The following PLS1 variants were observed in gnomAD, a reference collection of about 807,000 sequenced individuals.
The protein encoded by PLS1 is plastin 1.
In PLS1, 32 loss-of-function variants were observed where a neutral mutation model predicts 73.7. The ratio of observed to expected loss-of-function variants is 0.43; its 90% CI spans 0.33 to 0.58. The LOEUF (loss-of-function observed/expected upper bound fraction) is 0.58, where lower values mean the gene tolerates loss of function less well. Ranked by LOEUF, PLS1 falls within the 20% of genes least tolerant of loss-of-function variation. PLS1 has a pLI of 0.04. For missense variants in PLS1, 633 were observed against 740.5 expected, an observed-to-expected ratio of 0.85 and a Z score of 1.68; for synonymous variants, 217 against 261.3, an observed-to-expected ratio of 0.83 and a Z score of 1.63.
chr3:142,644,965 G>A (rs1170713623), intron 1 of PLS1, among the ~76,000 whole-genome samples: 4 of 152,074 alleles, frequency 2.6e-5, no homozygotes, highest in African/African-American at 9.7e-5. Flanking sequence ...TTTCCCTAAG[G>A]GGCATTCATC....
intron 1 of PLS1, among the ~76,000 whole-genome samples, chr3:142,632,911 T>A (rs778718672): frequency 6.6e-6 from 1 of 152,232 alleles, no homozygotes; most frequent in Non-Finnish European, 1.5e-5. Context: ...GAGCAGGATC[T>A]TAAACAGATA....
At chr3:142,627,021 G>C (rs1479051886) in intron 1 of PLS1, among the ~76,000 whole-genome samples, 3 of 152,170 alleles carry the variant, frequency 2.0e-5, no homozygotes, top group Non-Finnish European at 4.4e-5. Flanking sequence ...GACCAAGTTA[G>C]GATTCTACTG....
In PLS1 at chr3:142,686,200, T is replaced by G. The variant is rs1026853988; in HGVS notation, c.889-84T>G. On this transcript the variant is annotated intron_variant, in intron 8 of 15. Transcript: ENST00000457734. ...TCCATTCTTTGAGATAGAGGCAATTTCTTCAGTTTGAGCACTTGTTTTCCC... is the reference window on the plus strand; with the variant it reads ...TCCATTCTTTGAGATAGAGGCAATTGCTTCAGTTTGAGCACTTGTTTTCCC... 39 of 794,586 alleles carry G rather than the reference T, an allele frequency of 4.9e-5. 1 individual carries two copies. In the African/African-American group the frequency reaches 6.2e-4, roughly 13 times the overall value. The allele number at this position is 794,586 out of a possible 1,614,324, so 49.2% of individuals were successfully genotyped here. A position where few individuals can be genotyped will look rare whatever the true frequency, so the allele number is the denominator to read the frequency against.
At chr3:142,619,665 T>A (rs1384508676) in intron 1 of PLS1, 1 of 152,212 alleles carries the variant, frequency 6.6e-6, no homozygotes, top group Non-Finnish European at 1.5e-5. Flanking sequence ...TACTTAGTGA[T>A]TTGAAGTACT....
chr3:142,630,976 G>A (rs1323077520), intron 1 of PLS1, among the ~76,000 whole-genome samples: 1 of 69,398 alleles, frequency 1.4e-5, no homozygotes, highest in African/African-American at 9.0e-5. Flanking sequence ...CACACACATA[G>A]AGGGAGAGTC....
intron 1 of PLS1, among the ~76,000 whole-genome samples, chr3:142,603,095 G>A (rs570215733): frequency 2.5e-4 from 38 of 152,308 alleles, no homozygotes; most frequent in African/African-American, 8.2e-4. Context: ...GGGTTTATTG[G>A]TTATAAAATG....
Position 142,669,470 on chromosome 3 carries a change from A to G in PLS1, c.151A>G (p.Lys51Glu). The change falls in exon 3 of 16, where the codon AAG (lysine) becomes GAG (glutamate). Residue 51 changes from lysine to glutamate, a missense_variant. Coordinates refer to ENST00000457734, the MANE Select transcript of PLS1 (RefSeq NM_001145319.2). ...KEASLPLPGY[K>E]VREIVEKILS... The stretch of plus-strand genomic sequence containing the variant: ...AGCAAGCCTTCCTCTGCCTGGCTAC[A>G]AGGTGCGCGAGATTGTGGAGAAAAT... 2 of 1,613,378 alleles carry G rather than the reference A, an allele frequency of 1.2e-6. No homozygotes were observed. Among genetic ancestry groups the G allele is most frequent in the Non-Finnish European group, 1.7e-6 (2 of 1,179,292 alleles).
intron 1 of PLS1, among the ~76,000 whole-genome samples, chr3:142,617,784 C>T (rs1406408729): frequency 6.6e-6 from 1 of 152,124 alleles, no homozygotes; most frequent in African/African-American, 2.4e-5. Context: ...TTAAGACAAG[C>T]CGATTCAATA....
intron 1 of PLS1, among the ~76,000 whole-genome samples, chr3:142,647,090 T>C (rs1469538549): frequency 6.6e-6 from 1 of 152,150 alleles, no homozygotes; most frequent in Non-Finnish European, 1.5e-5. Context: ...GTGTAGCATG[T>C]AGGTGTGTTT....
chr3:142,665,432 A>G (rs1363633727), intron 2 of PLS1, among the ~76,000 whole-genome samples: 1 of 152,126 alleles, frequency 6.6e-6, no homozygotes, highest in African/African-American at 2.4e-5. Flanking sequence ...CATATTTGTC[A>G]TTAGAGCATT....
intron 1 of PLS1, among the ~76,000 whole-genome samples, chr3:142,656,326 T>C (rs1186033682): frequency 1.3e-5 from 2 of 152,220 alleles, no homozygotes; most frequent in Non-Finnish European, 2.9e-5. Context: ...TTGAGCTCAG[T>C]TATTTTAGTG....
intron 14 of PLS1, among the ~76,000 whole-genome samples, chr3:142,705,485 TTG>T (rs1474908683): frequency 6.6e-6 from 1 of 152,360 alleles, no homozygotes; most frequent in Admixed American, 6.5e-5. Context: ...TGCATTTCCA[TTG>T]TGTTTTGCTT....
chr3:142,625,847 G>A (rs6797237), intron 1 of PLS1, among the ~76,000 whole-genome samples: 38,111 of 151,900 alleles, frequency 0.25, 6,791 homozygotes, highest in African/African-American at 0.51. Context: ...TGTGGCATAC[G>A]CCTGTAGTCC....
At chr3:142,653,463 C>T (rs552428171) in intron 1 of PLS1, among the ~76,000 whole-genome samples, 4 of 151,530 alleles carry the variant, frequency 2.6e-5, no homozygotes, top group East Asian at 3.9e-4. Flanking sequence ...CGTGCTCAAG[C>T]GATCCTCCCA....
At chr3:142,662,779 T>C (rs1206868019) in intron 1 of PLS1, among the ~76,000 whole-genome samples, 1 of 152,218 alleles carries the variant, frequency 6.6e-6, no homozygotes. Flanking sequence ...GATATAGTAA[T>C]ATGTAGCCAT....
At chr3:142,633,939 C>T (rs1022078390) in intron 1 of PLS1, among the ~76,000 whole-genome samples, 9 of 152,196 alleles carry the variant, frequency 5.9e-5, no homozygotes, top group Admixed American at 4.6e-4. Flanking sequence ...TAATTAGAGC[C>T]ATATTACATA....
intron 1 of PLS1, among the ~76,000 whole-genome samples, chr3:142,645,836 T>C (rs2036942111): frequency 6.6e-6 from 1 of 152,222 alleles, no homozygotes; most frequent in South Asian, 2.1e-4. Flanking sequence ...CTTATTTAAA[T>C]CTTTTAATCC....
intron 1 of PLS1, among the ~76,000 whole-genome samples, chr3:142,628,444 ATAT>A (rs930215128): frequency 4.7e-5 from 7 of 149,752 alleles, no homozygotes; most frequent in African/African-American, 1.3e-4. Context: ...TAGTGTAATA[ATAT>A]TATTTTTATT....
At chr3:142,669,592 C>T in intron 3 of PLS1, 39 bp downstream of exon 3, 6 of 1,492,908 alleles carry the variant, frequency 4.0e-6, no homozygotes, top group Non-Finnish European at 5.5e-6. Flanking sequence ...GATAATCTTG[C>T]TTAGAGCAGA....
Sources: allele counts gnomAD v4.1 joint callset (sites outside exome capture counted in the v4.1 genomes callset), GRCh38; gene constraint gnomAD v4.1.1; transcripts MANE v1.5; gene names NCBI Gene and HGNC (gene_info 2026-07-23, HGNC 2026-07-21).